GPHB5: variants seen among roughly 807,000 people sequenced by gnomAD.
GPHB5 encodes glycoprotein hormone subunit beta 5, also known as glycoprotein hormone beta-5.
A neutral mutation model predicts 10.1 loss-of-function variants in GPHB5; 7 were observed. The ratio of observed to expected loss-of-function variants is 0.69; its 90% CI spans 0.39 to 1.30. The LOEUF (loss-of-function observed/expected upper bound fraction) is 1.30. Ranked by LOEUF, GPHB5 falls within the 50% of genes most tolerant of loss-of-function variation. The pLI, the probability that GPHB5 is intolerant of heterozygous loss-of-function variation, is 0.01. For missense variants in GPHB5, 161 were observed against 169.8 expected, an observed-to-expected ratio of 0.95 and a Z score of 0.29; for synonymous variants, 68 against 70.1, an observed-to-expected ratio of 0.97 and a Z score of 0.15.
intron 2 of GPHB5, among the ~76,000 whole-genome samples, chr14:63,313,968 G>A (rs966211839): frequency 1.3e-5 from 2 of 151,234 alleles, no homozygotes; most frequent in Non-Finnish European, 2.9e-5. Flanking sequence ...TTTTAGGACA[G>A]AGATTTTTGC....
chr14:63,313,998 C>T (rs728525), intron 2 of GPHB5, among the ~76,000 whole-genome samples: 41,702 of 152,012 alleles, frequency 0.27, 6,276 homozygotes, highest in African/African-American at 0.4. Flanking sequence ...CTCAAGTACC[C>T]AAAACAGACC....
In GPHB5 at chr14:63,317,560, A is replaced by T. The variant is rs534917954; in HGVS notation, c.204+86T>A. The T allele has an allele frequency of 4.4e-5, 56 of 1,286,226 alleles. No homozygotes were observed. In the African/African-American group the frequency reaches 4.9e-4, roughly 11 times the overall value. The allele number at this position is 1,286,226 out of a possible 1,614,324, so 79.7% of individuals were successfully genotyped here. A position where few individuals can be genotyped will look rare whatever the true frequency, so the allele number is the denominator to read the frequency against. On this transcript the variant is annotated intron_variant, in intron 2 of 2. Transcript: ENST00000621500. The stretch of plus-strand genomic sequence containing the variant: ...AGGGCAGATGTCCCAGCTCTACCTC[A>T]TATCATTTAAAAAGTGAACTCTTAA...
chr14:63,314,659 G>T (rs1024021325), intron 2 of GPHB5, among the ~76,000 whole-genome samples: 1 of 151,960 alleles, frequency 6.6e-6, no homozygotes, highest in African/African-American at 2.4e-5. Flanking sequence ...TGATCTGCCT[G>T]CCTCGGCCTC....
At chr14:63,315,968 G>T (rs1215078490) in intron 2 of GPHB5, among the ~76,000 whole-genome samples, 1 of 152,184 alleles carries the variant, frequency 6.6e-6, no homozygotes, top group Admixed American at 6.5e-5. Flanking sequence ...ACGGAAGCAG[G>T]AGTTTGAGGA....
intron 1 of GPHB5, among the ~76,000 whole-genome samples, chr14:63,318,328 T>C (rs946941195): frequency 7.2e-5 from 11 of 152,134 alleles, no homozygotes; most frequent in Non-Finnish European, 1.0e-4. Context: ...TTTGGAGGGG[T>C]TGATAAATAT....
intron 2 of GPHB5, among the ~76,000 whole-genome samples, chr14:63,315,473 T>C (rs1882756621): frequency 6.6e-6 from 1 of 152,156 alleles, no homozygotes; most frequent in African/African-American, 2.4e-5. Flanking sequence ...TTCCTGGTTT[T>C]CTGGTTTTAT....
chr14:63,315,406 A>C (rs1275820140), intron 2 of GPHB5, among the ~76,000 whole-genome samples: 1 of 152,230 alleles, frequency 6.6e-6, no homozygotes. Context: ...TATGAGACAG[A>C]CAGACTTACG....
chr14:63,317,678 C>A lies in GPHB5; in HGVS notation c.172G>T (p.Asp58Tyr). ...PGCRGLRITT[D>Y]ACWGRCETWE... ...GTCTCACAGCGACCCCAGCAGGCATCCGTGGTGATCCGAAGGCCCCTGCAG... is the reference window on the plus strand; with the variant it reads ...GTCTCACAGCGACCCCAGCAGGCATACGTGGTGATCCGAAGGCCCCTGCAG... Residue 58 changes from aspartate (D) to tyrosine (Y), a missense_variant, in exon 2 of 3, where the codon GAT (aspartate) becomes TAT (tyrosine). Coordinates refer to ENST00000621500, the MANE Select transcript of GPHB5 (RefSeq NM_145171.4). 6.2e-7 allele frequency: 1 copy of A among 1,614,022 alleles called. No homozygotes were observed. Among genetic ancestry groups the A allele is most frequent in the Non-Finnish European group, 8.5e-7 (1 of 1,179,892 alleles).
At position 63,318,848 on chromosome 14, in the gene GPHB5, C is replaced by G. The variant is rs975214489; in HGVS notation, c.-26G>C. ...CCTAATCTTGCAGGAGCCCACTCTT[C>G]TTTTAGAGCTGAAACTTGCACTAAG... is the stretch of plus-strand genomic sequence containing the variant. On this transcript the variant is annotated 5_prime_UTR_variant, in exon 1 of 3. Transcript: ENST00000621500. 1 of 152,190 alleles carries G rather than the reference C, an allele frequency of 6.6e-6. No homozygotes were observed. Among genetic ancestry groups the G allele is most frequent in the African/African-American group, 2.4e-5 (1 of 41,440 alleles). 9.4% of individuals were successfully genotyped at this position (152,190 alleles called of 1,614,324 possible).
At chr14:63,317,314 A>G (rs1338660033) in intron 2 of GPHB5, among the ~76,000 whole-genome samples, 3 of 152,166 alleles carry the variant, frequency 2.0e-5, no homozygotes, top group Non-Finnish European at 2.9e-5. Context: ...GCTCTACGTG[A>G]CTTTGCAGCC....
In GPHB5 at chr14:63,317,654, T is replaced by C; in HGVS notation, c.196A>G (p.Thr66Ala). 1 of 1,613,914 alleles carries C rather than the reference T, an allele frequency of 6.2e-7. No homozygotes were observed. Among genetic ancestry groups the C allele is most frequent in the Non-Finnish European group, 8.5e-7 (1 of 1,179,842 alleles). ...TTDACWGRCE[T>A]WEKPILEPPY... ...ACAACTTAGCAACTCACCTCCCAGG[T>C]CTCACAGCGACCCCAGCAGGCATCC... Residue 66 changes from threonine (T) to alanine (A), a missense_variant, in exon 2 of 3, where the codon ACC becomes GCC. Transcript: ENST00000621500.
Position 63,313,030 on chromosome 14 carries a change from G to T in GPHB5, c.291C>A (p.Pro97=). 1 of 1,601,696 alleles carries T rather than the reference G, an allele frequency of 6.2e-7. No individual in the cohort carries two copies. The highest frequency in any genetic ancestry group is 2.2e-5 in the East Asian group (1 of 44,502). ...AGGGGTCGACTCCCGGGGCACAGTT[G>T]GGCAGCTTGACAGTCACCTGTTTGG... ...NETKQVTVKL[P]NCAPGVDPFY... The change falls in exon 3 of 3, where the codon CCC becomes CCA. Residue 97 remains proline (P), a synonymous_variant. Coordinates refer to ENST00000621500, the MANE Select transcript of GPHB5 (RefSeq NM_145171.4).
Position 63,312,904 on chromosome 14 carries a change from G to A in GPHB5, c.*24C>T. The A allele has an allele frequency of 2.6e-6, 4 of 1,545,978 alleles. No individual in the cohort carries two copies. Among genetic ancestry groups the A allele is most frequent in the Non-Finnish European group, 3.5e-6 (4 of 1,143,076 alleles). ...CTGCATGTGCTGCTCACACAGGTGG[G>A]TCTGCAGAGAGCAGCTAGCGGCCTC... On this transcript the variant is annotated 3_prime_UTR_variant, in exon 3 of 3. Transcript: ENST00000621500.
At position 63,313,060 on chromosome 14, in the gene GPHB5, G is replaced by A. The variant is rs376425106; in HGVS notation, c.261C>T (p.Asn87=). 58 of 1,607,110 alleles carry A rather than the reference G, an allele frequency of 3.6e-5. No homozygotes were observed. Among genetic ancestry groups the A allele is most frequent in the Non-Finnish European group, 4.5e-5 (53 of 1,176,862 alleles). The part of the protein sequence containing the change: ...IEAHHRVCTY[N]ETKQVTVKLP... ...GCTTGACAGTCACCTGTTTGGTCTCGTTGTAGGTACAGACTCGATGATGGG... is the reference window on the plus strand; with the variant it reads ...GCTTGACAGTCACCTGTTTGGTCTCATTGTAGGTACAGACTCGATGATGGG... Residue 87 remains asparagine, a synonymous_variant, in exon 3 of 3, where the codon AAC becomes AAT. Transcript: ENST00000621500.
chr14:63,314,986 T>G (rs1312348299), intron 2 of GPHB5, among the ~76,000 whole-genome samples: 2 of 146,266 alleles, frequency 1.4e-5, no homozygotes, highest in Non-Finnish European at 3.0e-5. Context: ...CACTGTAACC[T>G]CCACCTCCTG....
chr14:63,313,195 T>C, intron 2 of GPHB5, 79 bp from the exon 3 acceptor site: 1 of 1,221,730 alleles, frequency 8.2e-7, no homozygotes, highest in South Asian at 1.6e-5. Context: ...TTTATCACTA[T>C]CAGAAATTAA....
Position 63,312,922 on chromosome 14 carries a change from G to C in GPHB5, c.*6C>G. ...CAGGTGGGTCTGCAGAGAGCAGCTA[G>C]CGGCCTCAGATGGTCTCACACTCCG... On this transcript the variant is annotated 3_prime_UTR_variant, in exon 3 of 3. Transcript: ENST00000621500. The C allele has an allele frequency of 6.4e-7, 1 of 1,551,292 alleles. No homozygotes were observed. The highest frequency in any genetic ancestry group is 8.7e-7 in the Non-Finnish European group (1 of 1,146,768).
At chr14:63,317,884 A>T in intron 1 of GPHB5, 34 bp from the exon 2 acceptor site, 1 of 1,602,262 alleles carries the variant, frequency 6.2e-7, no homozygotes, top group Non-Finnish European at 8.5e-7. Flanking sequence ...ACAGAGTTTA[A>T]CAGATCTGGC....
rs1488159519 is a variant in GPHB5 at position 63,317,832 on chromosome 14, G to T, written c.18C>A (p.Leu6=). 2 of 1,613,960 alleles carry T rather than the reference G, an allele frequency of 1.2e-6. No homozygotes were observed. Among genetic ancestry groups the T allele is most frequent in the Admixed American group, 1.7e-5 (1 of 60,014 alleles). Residue 6 remains leucine, a synonymous_variant, in exon 2 of 3, where the codon CTC becomes CTA. Transcript: ENST00000621500. The part of the protein sequence containing the change: MKLAF[L]FLGPMALLLL... ...GGAGGAGGGCCATGGGGCCAAGGAA[G>T]AGGAATGCCAGCTTCATGCTGCTCT...
Sources: allele counts gnomAD v4.1 joint callset (sites outside exome capture counted in the v4.1 genomes callset), GRCh38; gene constraint gnomAD v4.1.1; transcripts MANE v1.5; gene names NCBI Gene and HGNC (gene_info 2026-07-23, HGNC 2026-07-21).